Variants in DENND5A observed in about 807,000 individuals in gnomAD.
DENND5A encodes the protein DENN domain-containing protein 5A.
DENND5A carries 64 observed loss-of-function variants against 140.3 expected under a neutral mutation model. That is an observed-to-expected ratio of 0.46 (90% confidence interval 0.37 to 0.56). The LOEUF (loss-of-function observed/expected upper bound fraction) is 0.56, where lower values mean the gene tolerates loss of function less well. Ranked by LOEUF, DENND5A falls within the 20% of genes least tolerant of loss-of-function variation. DENND5A has a pLI of 0.00. For missense variants in DENND5A, 1,292 were observed against 1,593.8 expected (o/e 0.81, Z 3.22); for synonymous variants, 605 against 607.7 (o/e 1.00, Z 0.07).
chr11:9,244,573 C>G (rs1190356655), intron 1 of DENND5A, among the ~76,000 whole-genome samples: 1 of 152,012 alleles, frequency 6.6e-6, no homozygotes, highest in African/African-American at 2.4e-5. Context: ...TTCTCCCTGT[C>G]AGTCAGGCTG....
At chr11:9,262,874 T>C (rs916582315) in intron 1 of DENND5A, among the ~76,000 whole-genome samples, 1 of 152,116 alleles carries the variant, frequency 6.6e-6, no homozygotes, top group Non-Finnish European at 1.5e-5. Flanking sequence ...CCTGAGTAGC[T>C]GGGACTACAG....
At chr11:9,153,344 C>CA (rs59736475) in intron 12 of DENND5A, among the ~76,000 whole-genome samples, 2,461 of 26,920 alleles carry the variant, frequency 0.091, 375 homozygotes, top group Middle Eastern at 0.33. Context: ...GGCTCCCTCT[C>CA]AAAAAAAAAA....
chr11:9,264,774 C>T (rs1852367850), intron 1 of DENND5A, among the ~76,000 whole-genome samples, 187 bp downstream of exon 1: 1 of 152,192 alleles, frequency 6.6e-6, no homozygotes, highest in Non-Finnish European at 1.5e-5. Flanking sequence ...TTGGACCCCT[C>T]ATGGCTCAGA....
chr11:9,170,092 C>T, intron 9 of DENND5A, 143 bp from the exon 10 acceptor site: 1 of 810,426 alleles, frequency 1.2e-6, no homozygotes, highest in Non-Finnish European at 2.0e-6. Flanking sequence ...AGCTCAGAGA[C>T]CTTGAGGAAG....
At chr11:9,182,419 A>T (rs1848763084) in intron 5 of DENND5A, among the ~76,000 whole-genome samples, 1 of 152,250 alleles carries the variant, frequency 6.6e-6, no homozygotes, top group Non-Finnish European at 1.5e-5. Context: ...ACATGCCAAA[A>T]GTCACACAGC....
At chr11:9,207,681 C>A in intron 1 of DENND5A, 49 bp from the exon 2 acceptor site, 2 of 1,368,994 alleles carry the variant, frequency 1.5e-6, no homozygotes, top group Middle Eastern at 1.8e-4. Flanking sequence ...CAGTGTTATT[C>A]AAACTTTTTT....
At chr11:9,261,450 GA>G (rs896828456) in intron 1 of DENND5A, among the ~76,000 whole-genome samples, 1 of 152,068 alleles carries the variant, frequency 6.6e-6, no homozygotes, top group African/African-American at 2.4e-5. Flanking sequence ...AGACTCTCAG[GA>G]AGAACCTGCT....
intron 1 of DENND5A, among the ~76,000 whole-genome samples, chr11:9,230,173 T>G (rs1285351346): frequency 1.4e-5 from 2 of 147,538 alleles, no homozygotes; most frequent in South Asian, 2.1e-4. Flanking sequence ...CCTCCCAAAG[T>G]GCTGGGATTA....
Position 9,177,253 on chromosome 11 carries a change from CGAAAAAAAAAAAAAAGAAAGAAA to C in DENND5A, c.1906+856_1906+878del, listed in dbSNP as rs1398862498. On this transcript the variant is annotated intron_variant, in intron 8 of 22. Transcript: ENST00000328194. ...TAGGCAACTGAGTGAGACCCTGTCT[CGAAAAAAAAAAAAAAGAAAGAAA>C]GAAAAAAAAAAAAGGTGGAATGGTG... is the stretch of plus-strand genomic sequence containing the variant. 3.4e-5 allele frequency among the ~76,000 whole-genome samples: 4 copies of C among 118,882 alleles called. No individual in the cohort carries two copies. In the East Asian group the frequency reaches 7.0e-4, roughly 21 times the overall value. The allele number at this position is 118,882 out of a possible 152,430, so 78.0% of individuals were successfully genotyped here. A position where few individuals can be genotyped will look rare whatever the true frequency, so the allele number is the denominator to read the frequency against.
chr11:9,183,472 T>C (rs1848802559), intron 5 of DENND5A, among the ~76,000 whole-genome samples: 1 of 151,988 alleles, frequency 6.6e-6, no homozygotes, highest in Non-Finnish European at 1.5e-5. Flanking sequence ...AGTTTTGCTC[T>C]ATTGCCCAGT....
chr11:9,253,106 GC>G (rs1455226981), intron 1 of DENND5A, among the ~76,000 whole-genome samples: 1 of 151,966 alleles, frequency 6.6e-6, no homozygotes, highest in Non-Finnish European at 1.5e-5. Context: ...CCCCCACTCG[GC>G]CCCTCAAAGT....
chr11:9,259,256 A>C (rs1456681327), intron 1 of DENND5A, among the ~76,000 whole-genome samples: 2 of 151,656 alleles, frequency 1.3e-5, no homozygotes, highest in Non-Finnish European at 2.9e-5. Context: ...GCAAAACTCC[A>C]TCTCAAAAAA....
At chr11:9,170,425 T>C in intron 9 of DENND5A, 1 of 528,618 alleles carries the variant, frequency 1.9e-6, no homozygotes, top group Non-Finnish European at 2.4e-6. Flanking sequence ...TATCCCAATC[T>C]GCATAGTGGA....
intron 1 of DENND5A, among the ~76,000 whole-genome samples, chr11:9,249,024 G>A (rs971270982): frequency 1.2e-4 from 18 of 152,054 alleles, no homozygotes; most frequent in Admixed American, 9.2e-4. Flanking sequence ...TCAGGAGATC[G>A]AGACCATCCT....
intron 1 of DENND5A, among the ~76,000 whole-genome samples, chr11:9,222,662 A>C (rs1850359495): frequency 6.6e-6 from 1 of 152,244 alleles, no homozygotes; most frequent in South Asian, 2.1e-4. Flanking sequence ...AGATGAATAG[A>C]ACCAGATACG....
chr11:9,143,915 C>T (rs987454706), intron 19 of DENND5A, among the ~76,000 whole-genome samples, 182 bp downstream of exon 19: 1 of 152,130 alleles, frequency 6.6e-6, no homozygotes, highest in Non-Finnish European at 1.5e-5. Flanking sequence ...AAGGAGAGTG[C>T]CAAATGCTCT....
chr11:9,254,297 C>T (rs1246289442), intron 1 of DENND5A, among the ~76,000 whole-genome samples: 1 of 151,932 alleles, frequency 6.6e-6, no homozygotes, highest in Non-Finnish European at 1.5e-5. Context: ...TATGATTGTC[C>T]ACTGTACCCT....
chr11:9,241,623 G>A (rs1371604114), intron 1 of DENND5A, among the ~76,000 whole-genome samples: 2 of 152,024 alleles, frequency 1.3e-5, no homozygotes, highest in Non-Finnish European at 2.9e-5. Flanking sequence ...CCTGAAATAC[G>A]TTTCTCCACA....
In DENND5A at chr11:9,160,703, C is replaced by T; in HGVS notation, c.2436+10G>A. 6.2e-7 allele frequency: 1 copy of T among 1,604,170 alleles called. No individual in the cohort carries two copies. The highest frequency in any genetic ancestry group is 8.5e-7 in the Non-Finnish European group (1 of 1,172,464). On this transcript the variant is annotated intron_variant, in intron 12 of 22. Coordinates refer to ENST00000328194, the MANE Select transcript of DENND5A (RefSeq NM_015213.4). ...ATTTGCTCAGCAATGAGAGGCAAGA[C>T]ATACATTACCTGTTTCACTTGTAGT...
Sources: allele counts gnomAD v4.1 joint callset (sites outside exome capture counted in the v4.1 genomes callset), GRCh38; gene constraint gnomAD v4.1.1; transcripts MANE v1.5; gene names NCBI Gene and HGNC (gene_info 2026-07-23, HGNC 2026-07-21).